LARP1: variants seen among roughly 807,000 people sequenced by gnomAD.
The protein encoded by LARP1 is la-related protein 1.
LARP1 carries 36 observed loss-of-function variants against 122.7 expected under a neutral mutation model. The observed-to-expected ratio is 0.29, with a 90% confidence interval of 0.22 to 0.39. The LOEUF is 0.39. Among genes scored for constraint, LARP1 ranks in the 10% least tolerant of loss-of-function variants. The probability of loss-of-function intolerance (pLI) is 1.00; values close to 1 mark genes in which losing one functional copy is unlikely to be tolerated. For missense variants in LARP1, 1,040 were observed against 1,403.6 expected (o/e 0.74, Z 4.14); for synonymous variants, 539 against 528.7 (o/e 1.02, Z -0.27).
chr5:154,719,942 A>C (rs1413671568), intron 1 of LARP1, among the ~76,000 whole-genome samples: 1 of 151,836 alleles, frequency 6.6e-6, no homozygotes, highest in Non-Finnish European at 1.5e-5. Context: ...CTATAATCCC[A>C]GCACTTTGGG....
At chr5:154,753,737 G>A (rs1314984982), upstream of LARP1, among the ~76,000 whole-genome samples, 2 of 152,190 alleles carry the variant, frequency 1.3e-5, no homozygotes, top group East Asian at 3.8e-4. Flanking sequence ...CCAAGGCTTG[G>A]AGGCTGAATA....
At chr5:154,799,806 GTCC>G (rs751453002) in intron 9 of LARP1, 47 bp downstream of exon 9, 3 of 1,611,962 alleles carry the variant, frequency 1.9e-6, no homozygotes, top group South Asian at 1.1e-5. Context: ...CTGGGCAACA[GTCC>G]TCCTCAGGGC....
At chr5:154,702,393 T>G (rs1419718528) in intron 1 of LARP1, among the ~76,000 whole-genome samples, 2 of 151,802 alleles carry the variant, frequency 1.3e-5, no homozygotes, top group African/African-American at 4.8e-5. Context: ...CCATCTCTAC[T>G]AAAAATACAA....
rs1753815248 is a variant in LARP1 at position 154,755,757 on chromosome 5, G to A, written c.-1G>A. ...GCTTCTCCGGGGGGGCGGGCGCGCA[G>A]ATGGCCACTCAGGTGGAGCCGCTGC... On this transcript the variant is annotated 5_prime_UTR_variant, in exon 1 of 19. Coordinates refer to ENST00000518297, the MANE Select transcript of LARP1 (RefSeq NM_033551.3). The A allele has an allele frequency of 3.0e-6, 3 of 987,554 alleles. No individual in the cohort carries two copies. Among genetic ancestry groups the A allele is most frequent in the African/African-American group, 1.7e-5 (1 of 57,348 alleles). The allele number at this position is 987,554 out of a possible 1,614,324, so 61.2% of individuals were successfully genotyped here.
intron 1 of LARP1, among the ~76,000 whole-genome samples, chr5:154,715,884 A>G (rs114833600): frequency 2.2e-4 from 33 of 152,296 alleles, no homozygotes; most frequent in Non-Finnish European, 4.3e-4. Flanking sequence ...TACCTTATTT[A>G]TCCTCACAGT....
At chr5:154,737,631 C>T (rs564818933) in intron 1 of LARP1, among the ~76,000 whole-genome samples, 11 of 151,756 alleles carry the variant, frequency 7.2e-5, no homozygotes, top group South Asian at 2.1e-4. Flanking sequence ...TTAGTAGAGA[C>T]GGGATTTCAC....
chr5:154,770,555 C>T (rs1394686322), intron 1 of LARP1, among the ~76,000 whole-genome samples: 6 of 152,040 alleles, frequency 3.9e-5, no homozygotes. Flanking sequence ...GAGAGAATAG[C>T]CTGAGACACA....
At chr5:154,782,398 G>A (rs888989490) in intron 1 of LARP1, among the ~76,000 whole-genome samples, 3 of 152,158 alleles carry the variant, frequency 2.0e-5, no homozygotes, top group African/African-American at 7.2e-5. Flanking sequence ...TCAGGGACTG[G>A]TACCAGCAGT....
chr5:154,728,520 A>T (rs1481958556), intron 1 of LARP1, among the ~76,000 whole-genome samples: 2 of 152,142 alleles, frequency 1.3e-5, no homozygotes, highest in African/African-American at 2.4e-5. Flanking sequence ...CTGCCATGTA[A>T]TTAAGTTGAG....
chr5:154,741,936 T>C (rs2113463011), intron 1 of LARP1, among the ~76,000 whole-genome samples: 1 of 152,326 alleles, frequency 6.6e-6, no homozygotes, highest in Non-Finnish European at 1.5e-5. Context: ...GCCCAGCTTT[T>C]CCTTGTCTTT....
At chr5:154,779,548 G>T (rs915206168) in intron 1 of LARP1, among the ~76,000 whole-genome samples, 1 of 121,980 alleles carries the variant, frequency 8.2e-6, no homozygotes, top group Non-Finnish European at 1.6e-5. Context: ...TGCTGTTGTT[G>T]CCCAGACTGG....
At chr5:154,778,121 G>T (rs964778672) in intron 1 of LARP1, among the ~76,000 whole-genome samples, 1 of 151,942 alleles carries the variant, frequency 6.6e-6, no homozygotes, top group Non-Finnish European at 1.5e-5. Flanking sequence ...TTAGCTGGGC[G>T]TGGTGGTGGG....
rs538929262 is a variant in LARP1, at chr5:154,690,028, C to T, written c.-180+6991C>T. On this transcript the variant is annotated intron_variant, in intron 1 of 18. Coordinates refer to the LARP1 transcript ENST00000687700. Reference sequence around the variant, plus strand: ...TGCACTCCAGGCTGGGTGACAGAGCCAGACTCTGTCTCCAAAAAAATTAAA... The same window carrying T: ...TGCACTCCAGGCTGGGTGACAGAGCTAGACTCTGTCTCCAAAAAAATTAAA... Among the ~76,000 whole-genome samples, 3 of 152,108 alleles carry T rather than the reference C, an allele frequency of 2.0e-5. No individual in the cohort carries two copies. In the South Asian group the frequency reaches 6.2e-4, roughly 32 times the overall value.
At chr5:154,757,236 C>T (rs944746418) in intron 1 of LARP1, 2 of 151,836 alleles carry the variant, frequency 1.3e-5, no homozygotes, top group African/African-American at 2.4e-5. Flanking sequence ...GCGAGTCCTC[C>T]CTCTCCCTCC....
chr5:154,715,951 C>T (rs537442478), intron 1 of LARP1, among the ~76,000 whole-genome samples: 2 of 152,228 alleles, frequency 1.3e-5, no homozygotes, highest in East Asian at 3.9e-4. Flanking sequence ...AGGGAGGCTA[C>T]AAATCTTAAA....
chr5:154,790,508 C>T, intron 2 of LARP1, 122 bp downstream of exon 2: 1 of 1,268,774 alleles, frequency 7.9e-7, no homozygotes, highest in East Asian at 2.3e-5. Context: ...CAGGGGAGCC[C>T]CTTCTAGGTA....
chr5:154,802,630 A>G lies in LARP1; in HGVS notation c.2109+231A>G, dbSNP rs1356138758. Among the ~76,000 whole-genome samples the G allele has an allele frequency of 1.3e-5, 2 of 152,188 alleles. No homozygotes were observed. The highest frequency in any genetic ancestry group is 4.8e-5 in the African/African-American group (2 of 41,450). ...GTGAGGCGGTGGTGATTATTATCCT[A>G]TCTGCGGATCCATAGTTAATATTCT... On this transcript the variant is annotated intron_variant, in intron 11 of 18. Coordinates refer to ENST00000518297, the MANE Select transcript of LARP1 (RefSeq NM_033551.3). The surrounding 1 kb of genome is among the most constrained non-coding windows in gnomAD (Gnocchi z 5.1).
At chr5:154,714,100 A>G (rs1755360487) in intron 1 of LARP1, among the ~76,000 whole-genome samples, 1 of 152,206 alleles carries the variant, frequency 6.6e-6, no homozygotes, top group African/African-American at 2.4e-5. Context: ...GGGGATTGTA[A>G]TCTGGGCAAT....
chr5:154,736,063 G>A (rs1379009572), intron 1 of LARP1, among the ~76,000 whole-genome samples: 1 of 151,446 alleles, frequency 6.6e-6, no homozygotes, highest in Non-Finnish European at 1.5e-5. Context: ...GGGACTACAG[G>A]TGTTCGCCAC....
Sources: allele counts gnomAD v4.1 joint callset (sites outside exome capture counted in the v4.1 genomes callset), GRCh38; gene constraint gnomAD v4.1.1; non-coding constraint Gnocchi (gnomAD v3.1); transcripts MANE v1.5; gene names NCBI Gene and HGNC (gene_info 2026-07-23, HGNC 2026-07-21).